Variants in LGSN observed in about 807,000 individuals in gnomAD.
The protein encoded by LGSN is lengsin.
Under a neutral mutation model 19.5 loss-of-function variants are expected in LGSN, and 21 were observed. That is an observed-to-expected ratio of 1.07 (90% CI 0.76 to 1.55). The LOEUF is 1.55. Ranked by LOEUF, LGSN falls within the 40% of genes most tolerant of loss-of-function variation. The pLI, the probability that LGSN is intolerant of heterozygous loss-of-function variation, is 0.00. For missense variants in LGSN, 673 were observed against 608.5 expected (o/e 1.11, Z -1.12); for synonymous variants, 257 against 215.6 (o/e 1.19, Z -1.68).
the LGSN span, among the ~76,000 whole-genome samples, chr6:63,567,050 T>A: frequency 1.3e-5 from 2 of 152,224 alleles, no homozygotes; most frequent in African/African-American, 2.4e-5. Flanking sequence ...CAGACTCTGT[T>A]TCTAACTCCA....
chr6:63,318,748 G>T (rs559133853), intron 1 of LGSN, among the ~76,000 whole-genome samples: 1 of 152,258 alleles, frequency 6.6e-6, no homozygotes, highest in Admixed American at 6.5e-5. Context: ...TGGAATCCTG[G>T]ACTAAAATTG....
chr6:63,408,795 A>G, the LGSN span, among the ~76,000 whole-genome samples: 1 of 152,168 alleles, frequency 6.6e-6, no homozygotes, highest in East Asian at 1.9e-4. Flanking sequence ...ACAAAGGGCT[A>G]ATATCCAGAA....
At chr6:63,572,826 G>T in the LGSN span, 1 of 396,042 alleles carries the variant, frequency 2.5e-6, no homozygotes, top group South Asian at 1.3e-4. Flanking sequence ...AGGTTGCCCC[G>T]GGTTGCGGTT....
At chr6:63,479,244 C>T in the LGSN span, among the ~76,000 whole-genome samples, 1 of 152,106 alleles carries the variant, frequency 6.6e-6, no homozygotes, top group Non-Finnish European at 1.5e-5. Flanking sequence ...AAGGGAGACC[C>T]AGATGAAAAT....
the LGSN span, among the ~76,000 whole-genome samples, chr6:63,492,622 CTGAGG>C: frequency 1.3e-5 from 2 of 152,190 alleles, no homozygotes; most frequent in Non-Finnish European, 2.9e-5. Context: ...CACGGCCCTG[CTGAGG>C]TAGGAGGGAT....
At chr6:63,501,074 G>GA in the LGSN span, among the ~76,000 whole-genome samples, 1 of 151,804 alleles carries the variant, frequency 6.6e-6, no homozygotes, top group African/African-American at 2.4e-5. Context: ...TTTAAAAAAG[G>GA]AAAAAATGAG....
intron 1 of LGSN, among the ~76,000 whole-genome samples, chr6:63,316,779 T>C (rs147539819): frequency 6.5e-4 from 99 of 151,992 alleles, no homozygotes; most frequent in African/African-American, 2.2e-3. Context: ...ATAATATATA[T>C]TTATGATAAT....
intron 2 of LGSN, among the ~76,000 whole-genome samples, chr6:63,289,223 A>G (rs997815061): frequency 9.2e-5 from 14 of 152,348 alleles, no homozygotes; most frequent in African/African-American, 3.4e-4. Flanking sequence ...ACTTTGTCTA[A>G]TTAATAAGTA....
intron 1 of LGSN, among the ~76,000 whole-genome samples, chr6:63,312,727 G>A (rs1223297829): frequency 1.3e-5 from 2 of 152,178 alleles, no homozygotes; most frequent in African/African-American, 4.8e-5. Context: ...GTAATCTGGA[G>A]TAGAGATTAC....
the LGSN span, among the ~76,000 whole-genome samples, chr6:63,370,298 G>C: frequency 2.0e-5 from 3 of 152,134 alleles, no homozygotes. Flanking sequence ...AATCAACCTA[G>C]GTAGAATTTC....
At chr6:63,450,471 G>A in the LGSN span, among the ~76,000 whole-genome samples, 39 of 151,324 alleles carry the variant, frequency 2.6e-4, no homozygotes, top group Middle Eastern at 6.8e-3. Flanking sequence ...TCTTGAATCC[G>A]GAGGCAGAGG....
the LGSN span, among the ~76,000 whole-genome samples, chr6:63,514,264 G>C: frequency 6.6e-6 from 1 of 152,052 alleles, no homozygotes; most frequent in Admixed American, 6.6e-5. Context: ...GACTCACTTT[G>C]TCACTCAGGC....
chr6:63,423,219 A>G, the LGSN span, among the ~76,000 whole-genome samples: 2 of 152,180 alleles, frequency 1.3e-5, no homozygotes. Context: ...AGTGGTGCCA[A>G]TCCGTAGACC....
the LGSN span, among the ~76,000 whole-genome samples, chr6:63,505,969 G>A: frequency 2.6e-5 from 4 of 152,030 alleles, no homozygotes; most frequent in South Asian, 8.3e-4. Flanking sequence ...ATTTGTAATG[G>A]GACACAGGGT....
intron 1 of LGSN, among the ~76,000 whole-genome samples, chr6:63,318,475 T>C (rs1387183940): frequency 6.6e-6 from 1 of 152,130 alleles, no homozygotes; most frequent in Non-Finnish European, 1.5e-5. Flanking sequence ...CAGGAGAGTA[T>C]AAAAGAGCTT....
upstream of LGSN, among the ~76,000 whole-genome samples, chr6:63,323,768 G>T: frequency 6.9e-6 from 1 of 144,424 alleles, no homozygotes; most frequent in Non-Finnish European, 1.5e-5. Flanking sequence ...GTATGTTTTT[G>T]CATTCTTTTT....
the LGSN span, among the ~76,000 whole-genome samples, chr6:63,449,390 C>T: frequency 4.6e-5 from 7 of 151,836 alleles, no homozygotes; most frequent in African/African-American, 1.7e-4. Flanking sequence ...ACTAAAAATA[C>T]AAAAACTAGC....
the LGSN span, among the ~76,000 whole-genome samples, chr6:63,442,155 A>G: frequency 6.6e-6 from 1 of 151,522 alleles, no homozygotes; most frequent in South Asian, 2.1e-4. Context: ...GTCCCTCCCA[A>G]TGCGTTTGTT....
the LGSN span, among the ~76,000 whole-genome samples, chr6:63,535,120 A>T: frequency 6.6e-6 from 1 of 152,092 alleles, no homozygotes; most frequent in East Asian, 1.9e-4. Flanking sequence ...TTAGGTAATA[A>T]AATACATGGG....
Sources: gnomAD v4.1 joint callset for allele counts (sites outside exome capture counted in the v4.1 genomes callset) on GRCh38, gnomAD v4.1.1 for gene constraint, MANE v1.5 for transcripts, NCBI Gene and HGNC (gene_info 2026-07-23, HGNC 2026-07-21) for gene names.